The following LIPG variants were observed in gnomAD, a reference collection of about 807,000 sequenced individuals.
LIPG encodes endothelial lipase.
A neutral mutation model predicts 51.8 loss-of-function variants in LIPG; 34 were observed. The ratio of observed to expected loss-of-function variants is 0.66; its 90% CI spans 0.50 to 0.87. The LOEUF (loss-of-function observed/expected upper bound fraction) is 0.87, where lower values mean the gene tolerates loss of function less well. LIPG is among the 40% of genes least tolerant of loss of function. The pLI is 0.00. For missense variants in LIPG, 580 were observed against 652.7 expected (o/e 0.89, Z 1.21); for synonymous variants, 246 against 246.1 (o/e 1.00, Z 0.00).
At chr18:49,567,336 CAAAAAA>C in intron 2 of LIPG, 100 bp from the exon 3 acceptor site, 1 of 996,180 alleles carries the variant, frequency 1.0e-6, no homozygotes, top group Non-Finnish European at 1.4e-6. Flanking sequence ...GACCCTGAGT[CAAAAAA>C]AAAAAATTAA....
intron 5 of LIPG, among the ~76,000 whole-genome samples, chr18:49,579,008 GGGA>G (rs954507074): frequency 7.2e-4 from 5 of 6,946 alleles, no homozygotes; most frequent in African/African-American, 6.1e-3. Context: ...CGTGGGGAGA[GGGA>G]GAGGGAGAGG....
chr18:49,569,632 A>G, intron 4 of LIPG, 84 bp downstream of exon 4: 1 of 1,115,448 alleles, frequency 9.0e-7, no homozygotes, highest in South Asian at 1.3e-5. Context: ...AGTGAGTCAT[A>G]GAAAGTTAGC....
At chr18:49,579,415 C>A (rs966380621) in intron 5 of LIPG, among the ~76,000 whole-genome samples, 1 of 151,904 alleles carries the variant, frequency 6.6e-6, no homozygotes, top group African/African-American at 2.4e-5. Context: ...CAGGCGCAAA[C>A]CACCATACCT....
intron 3 of LIPG, among the ~76,000 whole-genome samples, chr18:49,568,532 C>T (rs1001458743): frequency 2.6e-5 from 4 of 152,058 alleles, no homozygotes; most frequent in Admixed American, 2.0e-4. Flanking sequence ...AGGTGTGAGC[C>T]ACCATGCCCA....
chr18:49,571,509 G>C (rs2084663308), intron 4 of LIPG, among the ~76,000 whole-genome samples: 2 of 152,212 alleles, frequency 1.3e-5, no homozygotes, highest in Admixed American at 6.5e-5. Flanking sequence ...CATGGAGCAT[G>C]ATGCCCACAT....
rs1363951013 is a variant in LIPG, at chr18:49,562,178, C to T, written c.-131C>T. 5.2e-6 allele frequency: 8 copies of T among 1,527,586 alleles called. No individual in the cohort carries two copies. Among genetic ancestry groups the T allele is most frequent in the Admixed American group, 2.2e-5 (1 of 46,488 alleles). The allele number at this position is 1,527,586 out of a possible 1,614,324, so 94.6% of individuals were successfully genotyped here. On this transcript the variant is annotated 5_prime_UTR_variant, in exon 1 of 10. Coordinates refer to ENST00000261292, the MANE Select transcript of LIPG (RefSeq NM_006033.4). ...GTGCCGCCAAGTTTTCATTTTCCAC[C>T]TTCTCTGCCTCCAGTCCCCCAGCCC...
chr18:49,569,322 G>A, intron 3 of LIPG, 115 bp from the exon 4 acceptor site: 6 of 856,140 alleles, frequency 7.0e-6, no homozygotes, highest in Non-Finnish European at 1.2e-5. Flanking sequence ...GGGAGTCTCT[G>A]TGCCCACGGC....
In LIPG at chr18:49,591,043, T is replaced by A; in HGVS notation, c.*521T>A. On this transcript the variant is annotated 3_prime_UTR_variant, in exon 10 of 10. Transcript: ENST00000261292. ...TCATGGGTTGCACTGACCATACTGC[T>A]TACGTCTTAGCCATTCCGTCCTGCT... The A allele has an allele frequency of 5.3e-5, 11 of 208,144 alleles. No homozygotes were observed. The highest frequency in any genetic ancestry group is 2.2e-4 in the East Asian group (2 of 8,986). 12.9% of individuals were successfully genotyped at this position (208,144 alleles called of 1,614,324 possible).
upstream of LIPG, chr18:49,561,612 C>T: frequency 2.6e-6 from 3 of 1,135,282 alleles, no homozygotes; most frequent in Non-Finnish European, 2.2e-6. Flanking sequence ...AGGTGGCTCT[C>T]CCCCGACGGA....
At chr18:49,578,174 TCAC>T (rs2084750127) in intron 5 of LIPG, among the ~76,000 whole-genome samples, 1 of 145,154 alleles carries the variant, frequency 6.9e-6, no homozygotes. Flanking sequence ...GAGACGCTCC[TCAC>T]CTCCCAGATG....
At chr18:49,588,738 G>A (rs922337582) in intron 9 of LIPG, among the ~76,000 whole-genome samples, 2 of 152,160 alleles carry the variant, frequency 1.3e-5, no homozygotes, top group Admixed American at 1.3e-4. Context: ...CCATCTTGTG[G>A]TGTGAGGCAG....
Position 49,586,888 on chromosome 18 carries a change from G to A in LIPG, c.1481+38G>A, listed in dbSNP as rs773549309. 9.8e-6 allele frequency: 14 copies of A among 1,432,860 alleles called. No individual in the cohort carries two copies. In the East Asian group the frequency reaches 1.4e-4, roughly 14 times the overall value. The allele number at this position is 1,432,860 out of a possible 1,614,324, so 88.8% of individuals were successfully genotyped here. A position where few individuals can be genotyped will look rare whatever the true frequency, so the allele number is the denominator to read the frequency against. ...TTCTCACACGTTCCACCCAGGACAC[G>A]TTGACATGATGATCTCCTAGCATGT... On this transcript the variant is annotated intron_variant, in intron 9 of 9. Coordinates refer to ENST00000261292, the MANE Select transcript of LIPG (RefSeq NM_006033.4).
chr18:49,579,891 G>A (rs565853326), intron 5 of LIPG, among the ~76,000 whole-genome samples: 20 of 151,072 alleles, frequency 1.3e-4, no homozygotes, highest in East Asian at 3.9e-4. Context: ...TCTGCTCACC[G>A]CAACCTCCAC....
At chr18:49,567,901 C>T (rs916695778) in intron 3 of LIPG, 14 of 407,596 alleles carry the variant, frequency 3.4e-5, no homozygotes, top group Non-Finnish European at 5.7e-5. Flanking sequence ...GAAACAGATG[C>T]CCTTAGGTTG....
At chr18:49,571,807 C>G (rs964611295) in intron 4 of LIPG, among the ~76,000 whole-genome samples, 1 of 152,144 alleles carries the variant, frequency 6.6e-6, no homozygotes, top group African/African-American at 2.4e-5. Flanking sequence ...ATATCTGAAC[C>G]CCAATCTTGC....
At position 49,562,418 on chromosome 18, in the gene LIPG, T is replaced by C; in HGVS notation, c.97+13T>C. ...GGACGGCTGGAAGGTAACGTGAATT[T>C]GTTTTTATTCCCCCCAGCCACTTCT... On this transcript the variant is annotated intron_variant, in intron 1 of 9. Transcript: ENST00000261292. 1 of 1,610,766 alleles carries C rather than the reference T, an allele frequency of 6.2e-7. No homozygotes were observed. The highest frequency in any genetic ancestry group is 8.5e-7 in the Non-Finnish European group (1 of 1,176,998).
upstream of LIPG, chr18:49,562,000 T>G: frequency 1.4e-6 from 2 of 1,402,428 alleles, no homozygotes; most frequent in Non-Finnish European, 1.9e-6. Context: ...AATCACCATC[T>G]GGCGATGGGT....
intron 5 of LIPG, 102 bp from the exon 6 acceptor site, chr18:49,581,313 A>T: frequency 6.8e-7 from 1 of 1,461,152 alleles, no homozygotes; most frequent in East Asian, 2.3e-5. Flanking sequence ...TAACAGCAAC[A>T]ATAAACAGCT....
chr18:49,563,881 G>A (rs772823967), intron 1 of LIPG, among the ~76,000 whole-genome samples: 13 of 152,084 alleles, frequency 8.5e-5, no homozygotes, highest in Admixed American at 2.6e-4. Context: ...GGGTTTATCC[G>A]CAGATCTGTC....
Sources: gnomAD v4.1 joint callset for allele counts (sites outside exome capture counted in the v4.1 genomes callset) on GRCh38, gnomAD v4.1.1 for gene constraint, MANE v1.5 for transcripts, NCBI Gene and HGNC (gene_info 2026-07-23, HGNC 2026-07-21) for gene names.